Variants in HIVEP3 observed in about 807,000 individuals in gnomAD.
HIVEP3 encodes HIVEP zinc finger 3.
In HIVEP3, 49 loss-of-function variants were observed where a neutral mutation model predicts 152.8. The observed-to-expected ratio is 0.32, with a 90% confidence interval of 0.26 to 0.41. The LOEUF is 0.41. Among genes scored for constraint, HIVEP3 ranks in the 10% least tolerant of loss-of-function variants. The pLI, the probability that HIVEP3 is intolerant of heterozygous loss-of-function variation, is 1.00. For missense variants in HIVEP3, 2,790 were observed against 3,103.3 expected (o/e 0.90, Z 2.40); for synonymous variants, 1,269 against 1,289.0 (o/e 0.98, Z 0.33).
chr1:41,717,028 C>G (rs1395959390), intron 1 of HIVEP3, among the ~76,000 whole-genome samples: 2 of 152,198 alleles, frequency 1.3e-5, no homozygotes, highest in Admixed American at 1.3e-4. Context: ...GCAGTCTTCT[C>G]TTTTGGGGAG....
At chr1:41,836,533 A>T (rs902519601) in intron 1 of HIVEP3, among the ~76,000 whole-genome samples, 1 of 152,212 alleles carries the variant, frequency 6.6e-6, no homozygotes, top group African/African-American at 2.4e-5. Flanking sequence ...CCCATCAACA[A>T]GACAATCTGA....
At chr1:41,670,721 GAAGGTGGCATTTGAGCA>G (rs1383576483) in intron 2 of HIVEP3, among the ~76,000 whole-genome samples, 1 of 152,210 alleles carries the variant, frequency 6.6e-6, no homozygotes, top group Non-Finnish European at 1.5e-5. Flanking sequence ...GCCTCATTGA[GAAGGTGGCATTTGAGCA>G]GCAACTTGAA....
intron 1 of HIVEP3, among the ~76,000 whole-genome samples, chr1:41,776,814 A>G (rs544880634): frequency 1.3e-5 from 2 of 152,316 alleles, no homozygotes; most frequent in African/African-American, 4.8e-5. Context: ...CAGCTGCTTC[A>G]AAATATTTAG....
chr1:41,910,552 G>A (rs1315090985), intron 1 of HIVEP3, among the ~76,000 whole-genome samples: 1 of 151,810 alleles, frequency 6.6e-6, no homozygotes, highest in Non-Finnish European at 1.5e-5. Flanking sequence ...GATAAGATAA[G>A]AAGTGCAAAT....
chr1:41,963,220 C>G (rs903625588), intron 1 of HIVEP3, among the ~76,000 whole-genome samples: 2 of 152,040 alleles, frequency 1.3e-5, no homozygotes, highest in Non-Finnish European at 2.9e-5. Context: ...ACTGTGTTAT[C>G]CAGGATGGTC....
At chr1:41,760,509 T>G (rs1367224479) in intron 1 of HIVEP3, among the ~76,000 whole-genome samples, 1 of 152,240 alleles carries the variant, frequency 6.6e-6, no homozygotes, top group Non-Finnish European at 1.5e-5. Context: ...CTTACTTTGC[T>G]GAGTTTGACT....
intron 1 of HIVEP3, among the ~76,000 whole-genome samples, chr1:41,937,856 C>T (rs1345781573): frequency 3.3e-5 from 5 of 152,322 alleles, no homozygotes; most frequent in Admixed American, 6.5e-5. Context: ...TCATGCCATA[C>T]ATTCAAGACT....
At chr1:41,985,044 A>G (rs976739617) in intron 1 of HIVEP3, among the ~76,000 whole-genome samples, 3 of 151,890 alleles carry the variant, frequency 2.0e-5, no homozygotes, top group African/African-American at 7.3e-5. Context: ...TGACTGATTG[A>G]TTGACTGGTT....
intron 1 of HIVEP3, among the ~76,000 whole-genome samples, chr1:41,863,418 T>C (rs564374815): frequency 2.4e-4 from 36 of 152,212 alleles, no homozygotes; most frequent in Non-Finnish European, 4.9e-4. Context: ...GGAAGACATC[T>C]GAACTCCGGC....
Position 41,678,494 on chromosome 1 carries a change from G to C in HIVEP3, c.-721+22422C>G, listed in dbSNP as rs1438297815. On this transcript the variant is annotated intron_variant, in intron 2 of 8. Transcript: ENST00000372583. ...GAATTCCTGTGGGCCTAGAGAAGCA[G>C]CCTTGTCCATTTCCTCTTCCCAGGG... Among the ~76,000 whole-genome samples, 6 of 149,902 alleles carry C rather than the reference G, an allele frequency of 4.0e-5. No individual in the cohort carries two copies. In the East Asian group the frequency reaches 1.2e-3, roughly 29 times the overall value.
chr1:41,905,902 C>T (rs533770478), intron 1 of HIVEP3, among the ~76,000 whole-genome samples: 42 of 152,128 alleles, frequency 2.8e-4, no homozygotes, highest in Non-Finnish European at 5.7e-4. Flanking sequence ...AAGGAGTTCA[C>T]CTAGGAGAGC....
Position 41,580,948 on chromosome 1 carries a change from C to T in HIVEP3, c.3850G>A (p.Asp1284Asn). The change falls in exon 4 of 9, where the codon GAC (aspartate) becomes AAC (asparagine). Residue 1284 changes from aspartate (D) to asparagine (N), a missense_variant. Asp to Asn is a conservative substitution (Grantham distance 23). Coordinates refer to ENST00000372583, the MANE Select transcript of HIVEP3 (RefSeq NM_024503.5). Reference sequence around the variant, plus strand: ...GGAGCCACAGGGGGTAGCCGGATGTCACTGCTGTACTCTGTGCTGGGGGAG... The same window carrying T: ...GGAGCCACAGGGGGTAGCCGGATGTTACTGCTGTACTCTGTGCTGGGGGAG... ...GLSPSTEYSS[D>N]IRLPPVAPPA... The T allele has an allele frequency of 6.2e-7, 1 of 1,611,176 alleles. No homozygotes were observed.
intron 3 of HIVEP3, among the ~76,000 whole-genome samples, chr1:41,605,377 A>G (rs12094606): frequency 0.11 from 8,119 of 74,324 alleles, 233 homozygotes; most frequent in South Asian, 0.2. Context: ...GCACACGCGC[A>G]CACACACACA....
At chr1:41,991,683 G>C (rs1645362491) in intron 1 of HIVEP3, among the ~76,000 whole-genome samples, 2 of 151,858 alleles carry the variant, frequency 1.3e-5, no homozygotes, top group South Asian at 4.1e-4. Context: ...AAGCCTGGCG[G>C]AGACACAACC....
chr1:41,583,080 A>G lies in HIVEP3; in HGVS notation c.1718T>C (p.Leu573Pro), dbSNP rs1432087674. 17 of 1,613,450 alleles carry G rather than the reference A, an allele frequency of 1.1e-5. No individual in the cohort carries two copies. Among genetic ancestry groups the G allele is most frequent in the African/African-American group, 1.3e-5 (1 of 74,756 alleles). Residue 573 changes from leucine to proline, a missense_variant, in exon 4 of 9, where the codon CTG becomes CCG. Transcript: ENST00000372583. The surrounding 1 kb of genome is among the most constrained non-coding windows in gnomAD (Gnocchi z 6.9). ...GGTAAACACGTGACTGCTGTGGCTCAGGGCTTCGGAGTCGGTGATATGGTC... is the reference window on the plus strand; with the variant it reads ...GGTAAACACGTGACTGCTGTGGCTCGGGGCTTCGGAGTCGGTGATATGGTC... ...FDDHITDSEALSHSSHVFTSH... is the reference protein window; with the variant it reads ...FDDHITDSEAPSHSSHVFTSH...
At chr1:41,967,701 C>A (rs1057324941) in intron 1 of HIVEP3, among the ~76,000 whole-genome samples, 1 of 151,898 alleles carries the variant, frequency 6.6e-6, no homozygotes, top group African/African-American at 2.4e-5. Flanking sequence ...GAGATCAGAG[C>A]AGAACTGAAG....
Position 41,658,580 on chromosome 1 carries a change from C to CT in HIVEP3, c.-720-29634_-720-29633insA, listed in dbSNP as rs1466583845. ...AAAGTGCATGTTCTCACTTCACCCC[C>CT]CCCATGAGCCTCGGGAGGCAGGTTC... is the stretch of plus-strand genomic sequence containing the variant. On this transcript the variant is annotated intron_variant, in intron 2 of 8. Transcript: ENST00000372583. 6.6e-5 allele frequency among the ~76,000 whole-genome samples: 10 copies of CT among 152,310 alleles called. No individual in the cohort carries two copies. In the South Asian group the frequency reaches 2.1e-3, roughly 32 times the overall value.
Position 41,584,338 on chromosome 1 carries a change from G to C in HIVEP3, c.460C>G (p.Pro154Ala), listed in dbSNP as rs374763516. Residue 154 changes from proline (P) to alanine (A), a missense_variant, in exon 4 of 9, where the codon CCC (proline) becomes GCC (alanine). By Grantham distance (27) the Pro-to-Ala change is conservative (BLOSUM62 -1). Transcript: ENST00000372583. The surrounding 1 kb of genome is among the most constrained non-coding windows in gnomAD (Gnocchi z 5.2). ...TTGGGGACTCCAGGAAGGTCCTCGG[G>C]GGGAATGATGGAAGCGTGGGAAGGA... ...LLPSHASIIP[P>A]EDLPGVPKVF... 5.0e-6 allele frequency: 8 copies of C among 1,613,802 alleles called. No individual in the cohort carries two copies. The African/African-American group carries it at 9.3e-5, about 19-fold the overall frequency.
intron 2 of HIVEP3, among the ~76,000 whole-genome samples, chr1:41,692,989 A>G (rs1474436608): frequency 6.6e-6 from 1 of 152,246 alleles, no homozygotes; most frequent in Non-Finnish European, 1.5e-5. Context: ...TAAGAGTTTT[A>G]TAAGTGTTAT....
Sources: allele counts gnomAD v4.1 joint callset (sites outside exome capture counted in the v4.1 genomes callset), GRCh38; gene constraint gnomAD v4.1.1; non-coding constraint Gnocchi (gnomAD v3.1); transcripts MANE v1.5; gene names NCBI Gene and HGNC (gene_info 2026-07-23, HGNC 2026-07-21).